FREM1: variants seen among roughly 807,000 people sequenced by gnomAD.
FREM1 encodes the protein FRAS1-related extracellular matrix protein 1.
In FREM1, 220 loss-of-function variants were observed where a neutral mutation model predicts 210.1. The ratio of observed to expected loss-of-function variants is 1.05; its 90% CI spans 0.94 to 1.17. The LOEUF (loss-of-function observed/expected upper bound fraction) is 1.17. Ranked by LOEUF, FREM1 falls within the 50% of genes most tolerant of loss-of-function variation. The pLI is 0.00. For missense variants in FREM1, 3,454 were observed against 2,675.5 expected (o/e 1.29, Z -6.42); for synonymous variants, 1,189 against 980.2 (o/e 1.21, Z -3.98).
At chr9:14,900,853 T>G (rs1770718455) in intron 1 of FREM1, among the ~76,000 whole-genome samples, 1 of 152,218 alleles carries the variant, frequency 6.6e-6, no homozygotes, top group African/African-American at 2.4e-5. Flanking sequence ...GCTATGGGAT[T>G]CTTTGGTAGG....
intron 28 of FREM1, among the ~76,000 whole-genome samples, chr9:14,757,175 C>A (rs1844549112): frequency 6.6e-6 from 1 of 152,192 alleles, no homozygotes; most frequent in Non-Finnish European, 1.5e-5. Context: ...CAGCTCCAGC[C>A]CCAAGACTAA....
chr9:14,824,856 G>T lies in FREM1; in HGVS notation c.2018C>A (p.Ser673Ter), dbSNP rs761020606. 5.6e-6 allele frequency: 9 copies of T among 1,613,346 alleles called. No homozygotes were observed. The highest frequency in any genetic ancestry group is 7.6e-6 in the Non-Finnish European group (9 of 1,179,610). ...KKQLHFIDSE[S>*]YDRELVYTIT... is the part of the protein sequence containing the mutation. ...TGTGTAGACCAGCTCCCTGTCATAT[G>T]ATTCTGAATCTATAAAATGTAGCTG... Residue 673 changes from serine to a stop codon, truncating the protein, a stop_gained, in exon 11 of 37, where the codon TCA (serine) becomes TAA (stop). Coordinates refer to ENST00000380880, the MANE Select transcript of FREM1 (RefSeq NM_001379081.2). LOFTEE classifies it high-confidence loss of function.
At chr9:14,824,174 A>T in intron 11 of FREM1, 59 bp from the exon 12 acceptor site, 1 of 1,024,758 alleles carries the variant, frequency 9.8e-7, no homozygotes, top group Non-Finnish European at 1.5e-6. Flanking sequence ...AATGAAATCG[A>T]ATAGCCCACA....
chr9:14,850,800 G>A (rs1827576125), intron 6 of FREM1, among the ~76,000 whole-genome samples: 1 of 152,184 alleles, frequency 6.6e-6, no homozygotes, highest in African/African-American at 2.4e-5. Context: ...CTGTGATTCA[G>A]GAAGGCTGTC....
intron 23 of FREM1, among the ~76,000 whole-genome samples, chr9:14,786,419 AT>A (rs1563925144): frequency 6.6e-6 from 1 of 152,216 alleles, no homozygotes; most frequent in African/African-American, 2.4e-5. Context: ...GGCCAAAAAA[AT>A]TTTTTTAAAG....
At chr9:14,815,488 A>C (rs1255048412) in intron 15 of FREM1, among the ~76,000 whole-genome samples, 1 of 152,206 alleles carries the variant, frequency 6.6e-6, no homozygotes, top group Non-Finnish European at 1.5e-5. Flanking sequence ...TAGAACAATG[A>C]AAATAATTAG....
At chr9:14,798,561 G>A (rs896517420) in intron 20 of FREM1, among the ~76,000 whole-genome samples, 3 of 152,104 alleles carry the variant, frequency 2.0e-5, no homozygotes, top group East Asian at 1.9e-4. Context: ...AGTGAGCTAT[G>A]ATCATCCCAC....
rs753970442 is a variant in FREM1 at position 14,824,777 on chromosome 9, A to G, written c.2078+19T>C. ...TGCAATCCTAGAACTAGTAGCCCAAATGGTGACTTTTCAGATACCTGTGGC... is the reference window on the plus strand; with the variant it reads ...TGCAATCCTAGAACTAGTAGCCCAAGTGGTGACTTTTCAGATACCTGTGGC... On this transcript the variant is annotated intron_variant, in intron 11 of 36. Coordinates refer to ENST00000380880, the MANE Select transcript of FREM1 (RefSeq NM_001379081.2). 6.3e-7 allele frequency: 1 copy of G among 1,584,586 alleles called. No homozygotes were observed. Among genetic ancestry groups the G allele is most frequent in the Non-Finnish European group, 8.6e-7 (1 of 1,158,604 alleles).
chr9:14,781,090 G>A (rs1353194068), intron 24 of FREM1, among the ~76,000 whole-genome samples: 1 of 152,136 alleles, frequency 6.6e-6, no homozygotes, highest in African/African-American at 2.4e-5. Flanking sequence ...ACCTTCTACT[G>A]GAAATGAGCT....
chr9:14,813,202 C>T, intron 15 of FREM1, 138 bp from the exon 16 acceptor site: 1 of 903,668 alleles, frequency 1.1e-6, no homozygotes, highest in Non-Finnish European at 1.6e-6. Context: ...TGAAATTTGG[C>T]CAAGTAATCT....
In FREM1 at chr9:14,843,476, T is replaced by G. The variant is rs142471201; in HGVS notation, c.1394-816A>C. Among the ~76,000 whole-genome samples, 179 of 150,436 alleles carry G rather than the reference T, an allele frequency of 1.2e-3. 2 individuals carry two copies. Among genetic ancestry groups the G allele is most frequent in the African/African-American group, 4.0e-3 (162 of 40,760 alleles). On this transcript the variant is annotated intron_variant, in intron 8 of 36. Transcript: ENST00000380880. The stretch of plus-strand genomic sequence containing the variant: ...CAATTACATAAGCCAATTCCCAGAA[T>G]AAATCACCTCATAGATAGATAGGTA...
intron 1 of FREM1, among the ~76,000 whole-genome samples, chr9:14,888,883 CATTA>C (rs1435745236): frequency 6.6e-6 from 1 of 152,104 alleles, no homozygotes; most frequent in Non-Finnish European, 1.5e-5. Context: ...AAGGCATGCT[CATTA>C]ATTAAAGGAC....
chr9:14,875,439 T>G (rs1374109490), intron 1 of FREM1, among the ~76,000 whole-genome samples: 5 of 152,246 alleles, frequency 3.3e-5, no homozygotes, highest in African/African-American at 1.2e-4. Context: ...CCTCCATCAC[T>G]GATACCCTTT....
At chr9:14,902,725 T>C (rs1839005682) in intron 1 of FREM1, among the ~76,000 whole-genome samples, 1 of 152,188 alleles carries the variant, frequency 6.6e-6, no homozygotes, top group Non-Finnish European at 1.5e-5. Context: ...TCTGTAAAAG[T>C]GCAAAGCTAG....
At chr9:14,804,263 G>A (rs866639254) in intron 19 of FREM1, among the ~76,000 whole-genome samples, 14 of 152,294 alleles carry the variant, frequency 9.2e-5, no homozygotes, top group South Asian at 6.2e-4. Context: ...TCACTCTCCA[G>A]TAGTCTCTCT....
intron 15 of FREM1, among the ~76,000 whole-genome samples, chr9:14,816,524 G>C (rs1241125990): frequency 1.3e-5 from 2 of 152,132 alleles, no homozygotes; most frequent in Admixed American, 6.5e-5. Flanking sequence ...CTCATGAATG[G>C]ATTAATGCTG....
intron 1 of FREM1, among the ~76,000 whole-genome samples, chr9:14,872,494 C>T (rs1832861386): frequency 6.6e-6 from 1 of 152,158 alleles, no homozygotes; most frequent in Non-Finnish European, 1.5e-5. Context: ...TATAAGAATG[C>T]TTGTGATTTT....
intron 27 of FREM1, among the ~76,000 whole-genome samples, chr9:14,767,282 ATGAG>A (rs1362986153): frequency 1.3e-5 from 2 of 152,176 alleles, no homozygotes; most frequent in African/African-American, 4.8e-5. Flanking sequence ...AAGGTCCTAT[ATGAG>A]TAAGTATTCC....
rs1004298101 is a variant in FREM1 at position 14,797,440 on chromosome 9, T to G, written c.3839+58A>C. The G allele has an allele frequency of 2.7e-5, 39 of 1,436,394 alleles. No homozygotes were observed. The East Asian group carries it at 9.0e-4, about 33-fold the overall frequency. The allele number at this position is 1,436,394 out of a possible 1,614,324, so 89.0% of individuals were successfully genotyped here. ...GACACACACACACCTGTACCTAGTA[T>G]TGTAGATTTCATAGAATTGTATAGA... On this transcript the variant is annotated intron_variant, in intron 21 of 36. Coordinates refer to ENST00000380880, the MANE Select transcript of FREM1 (RefSeq NM_001379081.2).
Sources: allele counts gnomAD v4.1 joint callset (sites outside exome capture counted in the v4.1 genomes callset), GRCh38; gene constraint gnomAD v4.1.1; transcripts MANE v1.5; gene names NCBI Gene and HGNC (gene_info 2026-07-23, HGNC 2026-07-21).